The following TAFA1 variants were observed in gnomAD, a reference collection of about 807,000 sequenced individuals.
TAFA1 encodes the protein TAFA chemokine like family member 1, also known as chemokine-like protein TAFA-1.
Under a neutral mutation model 18.5 loss-of-function variants are expected in TAFA1, and 4 were observed. The observed-to-expected ratio is 0.22, with a 90% confidence interval of 0.11 to 0.49. The LOEUF (loss-of-function observed/expected upper bound fraction) is 0.49. Among genes scored for constraint, TAFA1 ranks in the 20% least tolerant of loss-of-function variants. TAFA1 has a pLI of 0.98. For missense variants in TAFA1, 147 were observed against 169.0 expected (o/e 0.87, Z 0.72); for synonymous variants, 56 against 55.2 (o/e 1.01, Z -0.06).
At chr3:68,218,738 T>C (rs2066693011) in intron 2 of TAFA1, among the ~76,000 whole-genome samples, 1 of 152,046 alleles carries the variant, frequency 6.6e-6, no homozygotes, top group Admixed American at 6.6e-5. Context: ...GAGAAACACA[T>C]TGACTTGTGA....
chr3:68,457,539 G>C (rs577469992), intron 3 of TAFA1, among the ~76,000 whole-genome samples: 1 of 152,008 alleles, frequency 6.6e-6, no homozygotes, highest in African/African-American at 2.4e-5. Context: ...TGTTGCTCAA[G>C]GGCCAACTGT....
intron 3 of TAFA1, among the ~76,000 whole-genome samples, chr3:68,535,990 G>A (rs1232874486): frequency 6.6e-6 from 1 of 152,156 alleles, no homozygotes; most frequent in Admixed American, 6.5e-5. Flanking sequence ...GCAATTGCAA[G>A]CCATCTCCTT....
chr3:68,379,768 A>G (rs943221873), intron 2 of TAFA1, among the ~76,000 whole-genome samples: 2 of 147,638 alleles, frequency 1.4e-5, no homozygotes, highest in Middle Eastern at 3.2e-3. Context: ...TTTTTTTTAA[A>G]TTTTATTATT....
intron 3 of TAFA1, among the ~76,000 whole-genome samples, chr3:68,528,926 T>C (rs2073146850): frequency 6.6e-6 from 1 of 152,154 alleles, no homozygotes; most frequent in Non-Finnish European, 1.5e-5. Context: ...TAATATTTAT[T>C]GAAGATTTAC....
intron 2 of TAFA1, among the ~76,000 whole-genome samples, chr3:68,244,207 A>G (rs908617853): frequency 6.6e-6 from 1 of 152,180 alleles, no homozygotes; most frequent in Non-Finnish European, 1.5e-5. Context: ...TCCAAACTCT[A>G]ATTTCCCTTT....
intron 2 of TAFA1, among the ~76,000 whole-genome samples, chr3:68,166,766 T>G (rs1487304269): frequency 6.6e-6 from 1 of 152,082 alleles, no homozygotes; most frequent in African/African-American, 2.4e-5. Flanking sequence ...GTTCTGCGAA[T>G]CAAATGGAGG....
rs976175980 is a variant in TAFA1, at chr3:68,485,225, A to C, written c.260-53531A>C. Among the ~76,000 whole-genome samples, 9 of 152,088 alleles carry C rather than the reference A, an allele frequency of 5.9e-5. No individual in the cohort carries two copies. In the East Asian group the frequency reaches 1.7e-3, roughly 29 times the overall value. Reference sequence around the variant, plus strand: ...GGTCAACTGCACTACCTTATCACACACAAGGGTAAATGTTGTCAACCTGCC... The same window carrying C: ...GGTCAACTGCACTACCTTATCACACCCAAGGGTAAATGTTGTCAACCTGCC... On this transcript the variant is annotated intron_variant, in intron 3 of 4. Coordinates refer to ENST00000478136, the MANE Select transcript of TAFA1 (RefSeq NM_213609.4).
At chr3:67,997,739 C>CT in the TAFA1 span, among the ~76,000 whole-genome samples, 1 of 13,326 alleles carries the variant, frequency 7.5e-5, no homozygotes, top group East Asian at 3.5e-3. Flanking sequence ...GTATGATTAC[C>CT]TTTTTTTTGT....
At chr3:68,544,192 A>G (rs528198133) in intron 4 of TAFA1, among the ~76,000 whole-genome samples, 15 of 152,192 alleles carry the variant, frequency 9.9e-5, no homozygotes, top group East Asian at 9.7e-4. Flanking sequence ...GTGCAACTTC[A>G]TAGGTCACAT....
chr3:68,264,066 C>T (rs1054730962), intron 2 of TAFA1, among the ~76,000 whole-genome samples: 8 of 151,886 alleles, frequency 5.3e-5, no homozygotes, highest in South Asian at 2.1e-4. Flanking sequence ...CCGAGGTGGG[C>T]GGATCACTTG....
intron 3 of TAFA1, among the ~76,000 whole-genome samples, chr3:68,424,483 C>G (rs2071017364): frequency 6.6e-6 from 1 of 152,018 alleles, no homozygotes; most frequent in African/African-American, 2.4e-5. Flanking sequence ...TAAAATTTGA[C>G]AGATGTAACT....
chr3:68,227,612 A>T (rs1276735333), intron 2 of TAFA1, among the ~76,000 whole-genome samples: 1 of 152,248 alleles, frequency 6.6e-6, no homozygotes, highest in Non-Finnish European at 1.5e-5. Context: ...ACAAAATGCA[A>T]AGGGAGAAAT....
At chr3:67,991,896 G>C in the TAFA1 span, among the ~76,000 whole-genome samples, 2 of 152,072 alleles carry the variant, frequency 1.3e-5, no homozygotes, top group Non-Finnish European at 2.9e-5. Context: ...TCTATAAACT[G>C]TCAATATATC....
At chr3:68,160,662 G>T (rs1270197166) in intron 2 of TAFA1, among the ~76,000 whole-genome samples, 1 of 152,126 alleles carries the variant, frequency 6.6e-6, no homozygotes, top group Non-Finnish European at 1.5e-5. Flanking sequence ...ATCAATTCTT[G>T]TTTCATTAGC....
chr3:68,256,268 A>G (rs1451276052), intron 2 of TAFA1, among the ~76,000 whole-genome samples: 1 of 152,142 alleles, frequency 6.6e-6, no homozygotes, highest in East Asian at 1.9e-4. Flanking sequence ...CCTCACCTCA[A>G]AAAGTCTTCC....
chr3:68,379,599 C>A (rs957727602), intron 2 of TAFA1, among the ~76,000 whole-genome samples: 1 of 152,084 alleles, frequency 6.6e-6, no homozygotes, highest in East Asian at 1.9e-4. Flanking sequence ...ATTGCCAAGT[C>A]GTCTTCCAGG....
chr3:68,401,213 A>G (rs560958878), intron 2 of TAFA1, among the ~76,000 whole-genome samples: 73 of 152,164 alleles, frequency 4.8e-4, no homozygotes, highest in Admixed American at 7.9e-4. Context: ...CACAGACCCA[A>G]TCAGGAGGTT....
At chr3:68,179,895 A>G (rs2066173814) in intron 2 of TAFA1, among the ~76,000 whole-genome samples, 1 of 152,010 alleles carries the variant, frequency 6.6e-6, no homozygotes, top group Non-Finnish European at 1.5e-5. Context: ...ATTTGTATGT[A>G]TGCTTGTGTG....
chr3:67,993,583 A>C, the TAFA1 span, among the ~76,000 whole-genome samples: 1 of 152,226 alleles, frequency 6.6e-6, no homozygotes, highest in African/African-American at 2.4e-5. Flanking sequence ...GCAATACCAT[A>C]CTACAGGGGG....
Sources: allele counts gnomAD v4.1 joint callset (sites outside exome capture counted in the v4.1 genomes callset), GRCh38; gene constraint gnomAD v4.1.1; transcripts MANE v1.5; gene names NCBI Gene and HGNC (gene_info 2026-07-23, HGNC 2026-07-21).